The following FSTL5 variants were observed in gnomAD, a reference collection of about 807,000 sequenced individuals.
FSTL5 encodes the protein follistatin like 5.
A neutral mutation model predicts 89.1 loss-of-function variants in FSTL5; 62 were observed. The ratio of observed to expected loss-of-function variants is 0.70; its 90% CI spans 0.57 to 0.86. FSTL5 has a LOEUF of 0.86. Among genes scored for constraint, FSTL5 ranks in the 40% least tolerant of loss-of-function variants. The probability of loss-of-function intolerance (pLI) is 0.00; values close to 1 mark genes in which losing one functional copy is unlikely to be tolerated. For missense variants in FSTL5, 1,057 were observed against 1,001.6 expected, an observed-to-expected ratio of 1.06 and a Z score of -0.75; for synonymous variants, 383 against 346.2, an observed-to-expected ratio of 1.11 and a Z score of -1.18.
In FSTL5 at chr4:161,651,862, T is replaced by C. The variant is rs1360171089; in HGVS notation, c.894+4466A>G. Among the ~76,000 whole-genome samples the C allele has an allele frequency of 3.3e-5, 5 of 152,342 alleles. 1 individual carries two copies. In the East Asian group the frequency reaches 7.7e-4, roughly 23 times the overall value. On this transcript the variant is annotated intron_variant, in intron 7 of 15. Transcript: ENST00000306100. Reference sequence around the variant, plus strand: ...GTTTGGTGGTATGCTTTTATTCATTTGGTGCAAAATATAAAACAGACGAAA... The same window carrying C: ...GTTTGGTGGTATGCTTTTATTCATTCGGTGCAAAATATAAAACAGACGAAA...
chr4:161,998,586 T>C (rs1736369251), intron 3 of FSTL5, among the ~76,000 whole-genome samples: 1 of 152,154 alleles, frequency 6.6e-6, no homozygotes, highest in Non-Finnish European at 1.5e-5. Context: ...ATTCCAACAA[T>C]ATTGAATGAA....
chr4:161,874,617 T>C (rs1560893643), intron 4 of FSTL5, among the ~76,000 whole-genome samples: 1 of 151,268 alleles, frequency 6.6e-6, no homozygotes, highest in Non-Finnish European at 1.5e-5. Context: ...TCAGAATCTT[T>C]GATGATTTCC....
intron 12 of FSTL5, among the ~76,000 whole-genome samples, chr4:161,491,328 AT>A (rs1729867173): frequency 6.6e-6 from 1 of 152,032 alleles, no homozygotes; most frequent in Non-Finnish European, 1.5e-5. Flanking sequence ...GCTATCGGCT[AT>A]TAGATATCTT....
At position 161,985,042 on chromosome 4, in the gene FSTL5, C is replaced by T. The variant is rs184311282; in HGVS notation, c.160+48583G>A. 1.6e-3 allele frequency among the ~76,000 whole-genome samples: 250 copies of T among 151,780 alleles called. 1 individual carries two copies. Among genetic ancestry groups the T allele is most frequent in the African/African-American group, 5.8e-3 (240 of 41,390 alleles). ...CGTGATCATGGCTCACTGCAACCTCCGCCTCCTGGGTTCAAGCAATTTTCG... is the reference window on the plus strand; with the variant it reads ...CGTGATCATGGCTCACTGCAACCTCTGCCTCCTGGGTTCAAGCAATTTTCG... On this transcript the variant is annotated intron_variant, in intron 3 of 15. Coordinates refer to ENST00000306100, the MANE Select transcript of FSTL5 (RefSeq NM_020116.5).
chr4:161,822,664 T>A (rs1024844804), intron 4 of FSTL5, among the ~76,000 whole-genome samples: 1 of 152,178 alleles, frequency 6.6e-6, no homozygotes, highest in African/African-American at 2.4e-5. Context: ...GGCTCTTCTC[T>A]ACTTATCTTC....
In FSTL5 at chr4:161,796,680, A is replaced by G. The variant is rs545382998; in HGVS notation, c.410-20606T>C. Among the ~76,000 whole-genome samples the G allele has an allele frequency of 2.6e-5, 4 of 151,690 alleles. No individual in the cohort carries two copies. In the East Asian group the frequency reaches 7.7e-4, roughly 29 times the overall value. ...AAAATTCATCATTTTTCTATTAACC[A>G]GTTCGAAATGTATGTGCTCTCTTTT... On this transcript the variant is annotated intron_variant, in intron 4 of 15. Transcript: ENST00000306100.
rs555300239 is a variant in FSTL5, at chr4:161,818,119, G to A, written c.410-42045C>T. 3.3e-5 allele frequency among the ~76,000 whole-genome samples: 5 copies of A among 152,300 alleles called. No homozygotes were observed. In the South Asian group the frequency reaches 8.3e-4, roughly 25 times the overall value. On this transcript the variant is annotated intron_variant, in intron 4 of 15. Transcript: ENST00000306100. ...ATGTGGAGAGGAGCACATCAGCGGA[G>A]GAACACACAGGCAGCTGGACATCAA...
chr4:161,767,157 A>G (rs926446003), intron 5 of FSTL5, among the ~76,000 whole-genome samples: 1 of 152,128 alleles, frequency 6.6e-6, no homozygotes, highest in Non-Finnish European at 1.5e-5. Flanking sequence ...TCTTTCTTGC[A>G]GTGACTTTTT....
intron 2 of FSTL5, among the ~76,000 whole-genome samples, chr4:162,070,013 T>G (rs1729539512): frequency 6.6e-6 from 1 of 151,892 alleles, no homozygotes; most frequent in African/African-American, 2.4e-5. Context: ...TGGCTGAGTT[T>G]CTTTTCTGCC....
At chr4:161,847,266 T>C (rs1173211429) in intron 4 of FSTL5, among the ~76,000 whole-genome samples, 1 of 152,180 alleles carries the variant, frequency 6.6e-6, no homozygotes, top group African/African-American at 2.4e-5. Context: ...AAAAGATAAA[T>C]TGGTTATTCT....
chr4:161,809,773 G>A (rs1347116022), intron 4 of FSTL5, among the ~76,000 whole-genome samples: 1 of 152,180 alleles, frequency 6.6e-6, no homozygotes, highest in East Asian at 1.9e-4. Flanking sequence ...AACCTACCAA[G>A]AATAGTTCAC....
intron 1 of FSTL5, among the ~76,000 whole-genome samples, chr4:162,127,700 G>A (rs1732136193): frequency 6.6e-6 from 1 of 151,940 alleles, no homozygotes; most frequent in Admixed American, 6.5e-5. Context: ...TATATATACA[G>A]TTTAAGGATA....
At chr4:161,817,268 G>C (rs991085333) in intron 4 of FSTL5, among the ~76,000 whole-genome samples, 2 of 151,790 alleles carry the variant, frequency 1.3e-5, no homozygotes, top group Non-Finnish European at 2.9e-5. Flanking sequence ...GAATAATTAA[G>C]TTAAAGGCCT....
intron 6 of FSTL5, among the ~76,000 whole-genome samples, chr4:161,663,293 C>T (rs568964012): frequency 6.6e-6 from 1 of 152,196 alleles, no homozygotes; most frequent in East Asian, 1.9e-4. Flanking sequence ...AAAGTCTCAT[C>T]TGAGACAAGG....
At chr4:161,684,580 C>G (rs1391197945) in intron 6 of FSTL5, among the ~76,000 whole-genome samples, 1 of 151,904 alleles carries the variant, frequency 6.6e-6, no homozygotes, top group African/African-American at 2.4e-5. Context: ...TTGAGAATAC[C>G]CTATTCATGT....
intron 12 of FSTL5, among the ~76,000 whole-genome samples, chr4:161,496,803 T>TAGAGAC (rs1553991657): frequency 6.6e-6 from 1 of 150,762 alleles, no homozygotes; most frequent in Non-Finnish European, 1.5e-5. Flanking sequence ...GAGATAGAGA[T>TAGAGAC]AGAGATAGAG....
intron 4 of FSTL5, among the ~76,000 whole-genome samples, chr4:161,831,641 A>G (rs1446546568): frequency 6.6e-6 from 1 of 152,064 alleles, no homozygotes; most frequent in South Asian, 2.1e-4. Context: ...TATTGAAATT[A>G]AATAGAATCT....
chr4:161,795,957 T>A (rs1314974769), intron 4 of FSTL5, among the ~76,000 whole-genome samples: 1 of 151,818 alleles, frequency 6.6e-6, no homozygotes, highest in African/African-American at 2.4e-5. Flanking sequence ...ATTTTAGAAA[T>A]CTTTGTGTTG....
At chr4:161,698,874 C>T (rs967074477) in intron 6 of FSTL5, among the ~76,000 whole-genome samples, 5 of 152,020 alleles carry the variant, frequency 3.3e-5, no homozygotes, top group African/African-American at 9.7e-5. Flanking sequence ...TGCTTGAACC[C>T]GGGAGGCGGA....
Sources: allele counts gnomAD v4.1 joint callset (sites outside exome capture counted in the v4.1 genomes callset), GRCh38; gene constraint gnomAD v4.1.1; transcripts MANE v1.5; gene names NCBI Gene and HGNC (gene_info 2026-07-23, HGNC 2026-07-21).